TBC1D1: variants seen among roughly 807,000 people sequenced by gnomAD.
The protein encoded by TBC1D1 is TBC1 domain family member 1, also known as TBC1 (tre-2/USP6, BUB2, cdc16) domain family, member 1.
Under a neutral mutation model 125.6 loss-of-function variants are expected in TBC1D1, and 89 were observed. The ratio of observed to expected loss-of-function variants is 0.71; its 90% CI spans 0.60 to 0.85. TBC1D1 has a LOEUF of 0.85. Ranked by LOEUF, TBC1D1 falls within the 40% of genes least tolerant of loss-of-function variation. The probability of loss-of-function intolerance (pLI) is 0.00; values close to 1 mark genes in which losing one functional copy is unlikely to be tolerated. For synonymous variants in TBC1D1, 565 were observed against 564.1 expected (o/e 1.00, Z -0.02); for missense variants, 1,377 against 1,469.2 (o/e 0.94, Z 1.03).
intron 2 of TBC1D1, among the ~76,000 whole-genome samples, chr4:37,958,636 C>A (rs1353233408): frequency 1.3e-5 from 2 of 152,178 alleles, no homozygotes; most frequent in Admixed American, 1.3e-4. Flanking sequence ...TTTGTCCCTT[C>A]TTTAGGACAC....
At chr4:38,055,054 C>T (rs1751443020) in intron 12 of TBC1D1, 1 of 152,152 alleles carries the variant, frequency 6.6e-6, no homozygotes, top group South Asian at 2.1e-4. Flanking sequence ...TGCTTGAGCC[C>T]ACTCGCCCAG....
intron 2 of TBC1D1, among the ~76,000 whole-genome samples, chr4:37,937,976 G>C (rs539278011): frequency 6.6e-6 from 1 of 152,198 alleles, no homozygotes; most frequent in Non-Finnish European, 1.5e-5. Context: ...CAAAATGTGG[G>C]TTCTATTGGA....
chr4:38,113,299 C>A lies in TBC1D1; in HGVS notation c.2558-2411C>A, dbSNP rs570183386. 2.0e-5 allele frequency among the ~76,000 whole-genome samples: 3 copies of A among 152,308 alleles called. No individual in the cohort carries two copies. The East Asian group carries it at 5.8e-4, about 29-fold the overall frequency. ...AGCCAGCTCTGCCCCCACCATCTGACCACTCTTGAGTGGCCAATTAGCATA... is the reference window on the plus strand; with the variant it reads ...AGCCAGCTCTGCCCCCACCATCTGAACACTCTTGAGTGGCCAATTAGCATA... On this transcript the variant is annotated intron_variant, in intron 15 of 19. Coordinates refer to ENST00000261439, the MANE Select transcript of TBC1D1 (RefSeq NM_015173.4).
intron 17 of TBC1D1, among the ~76,000 whole-genome samples, chr4:38,123,389 T>A (rs1389160549): frequency 6.6e-6 from 1 of 152,252 alleles, no homozygotes; most frequent in Non-Finnish European, 1.5e-5. Flanking sequence ...TAAAAATACA[T>A]CTTTGTTATA....
At chr4:38,052,728 G>GCACACACACACA (rs56153191) in intron 11 of TBC1D1, among the ~76,000 whole-genome samples, 2,742 of 118,206 alleles carry the variant, frequency 0.023, 37 homozygotes, top group Middle Eastern at 0.034. Context: ...GCGCGCGCGC[G>GCACACACACACA]CACACACACA....
At chr4:37,957,157 A>G (rs1729100284) in intron 2 of TBC1D1, among the ~76,000 whole-genome samples, 1 of 152,190 alleles carries the variant, frequency 6.6e-6, no homozygotes. Flanking sequence ...ATGAGTTTGT[A>G]TAATACTCAT....
At chr4:38,070,964 T>C (rs1419142851) in intron 12 of TBC1D1, among the ~76,000 whole-genome samples, 1 of 152,230 alleles carries the variant, frequency 6.6e-6, no homozygotes, top group Admixed American at 6.5e-5. Flanking sequence ...GACTCAGTTT[T>C]AAAATTGCTT....
intron 14 of TBC1D1, among the ~76,000 whole-genome samples, chr4:38,098,062 G>C (rs1759678501): frequency 6.6e-6 from 1 of 152,246 alleles, no homozygotes; most frequent in Non-Finnish European, 1.5e-5. Flanking sequence ...GTATGCAGTG[G>C]TGAAGACCGA....
chr4:38,106,074 A>G (rs909031443), intron 15 of TBC1D1, among the ~76,000 whole-genome samples: 5 of 151,974 alleles, frequency 3.3e-5, no homozygotes, highest in Admixed American at 6.5e-5. Context: ...TTTTTCCCTT[A>G]TAGGATACAG....
At chr4:37,964,884 A>G (rs1056174418) in intron 2 of TBC1D1, among the ~76,000 whole-genome samples, 6 of 152,186 alleles carry the variant, frequency 3.9e-5, no homozygotes, top group African/African-American at 1.4e-4. Context: ...TCCTTCCCTG[A>G]CAGAGCCTGC....
intron 2 of TBC1D1, among the ~76,000 whole-genome samples, chr4:37,956,764 C>T (rs1729012938): frequency 6.6e-6 from 1 of 151,962 alleles, no homozygotes; most frequent in South Asian, 2.1e-4. Flanking sequence ...CTGGCCAACA[C>T]AGTGAAACCC....
intron 2 of TBC1D1, among the ~76,000 whole-genome samples, chr4:37,941,144 A>T (rs539614162): frequency 5.1e-4 from 77 of 152,268 alleles, no homozygotes; most frequent in Admixed American, 1.2e-3. Flanking sequence ...CTGTGAATCC[A>T]TCTGGTCCTG....
Position 37,977,865 on chromosome 4 carries a change from G to A in TBC1D1, c.418-36644G>A, listed in dbSNP as rs1733538650. Among the ~76,000 whole-genome samples the A allele has an allele frequency of 6.6e-6, 1 of 152,058 alleles. No individual in the cohort carries two copies. The highest frequency in any genetic ancestry group is 1.5e-5 in the Non-Finnish European group (1 of 67,982). On this transcript the variant is annotated intron_variant, in intron 2 of 19. Transcript: ENST00000261439. This position sits in a 1 kb window ranked among gnomAD's most constrained non-coding sequence, Gnocchi z 4.3. ...CGGAGCTGCCGCTCGGTGCCTCCCC[G>A]GCGCGGGACCTCGCGGAAGTCGACC...
intron 2 of TBC1D1, among the ~76,000 whole-genome samples, chr4:37,935,433 G>A (rs926973943): frequency 6.6e-6 from 1 of 152,098 alleles, no homozygotes; most frequent in Non-Finnish European, 1.5e-5. Flanking sequence ...CCTGGGAGTC[G>A]TCTTTGACTT....
intron 2 of TBC1D1, chr4:37,952,768 A>ATCC (rs1728159543): frequency 6.6e-6 from 1 of 152,358 alleles, no homozygotes; most frequent in Non-Finnish European, 1.5e-5. Flanking sequence ...CATCCTGCAC[A>ATCC]TGTACCCTGA....
chr4:37,940,114 A>C (rs1725241092), intron 2 of TBC1D1, among the ~76,000 whole-genome samples: 1 of 152,370 alleles, frequency 6.6e-6, no homozygotes, highest in South Asian at 2.1e-4. Flanking sequence ...TACCTTGGGC[A>C]GTATGGCCAT....
At chr4:37,912,746 A>G (rs866349217) in intron 2 of TBC1D1, among the ~76,000 whole-genome samples, 11 of 152,228 alleles carry the variant, frequency 7.2e-5, no homozygotes, top group South Asian at 2.1e-4. Flanking sequence ...GGATGCAGCA[A>G]CAAAGCTCCA....
intron 2 of TBC1D1, among the ~76,000 whole-genome samples, chr4:37,931,618 C>T (rs1450158725): frequency 2.0e-5 from 3 of 152,040 alleles, no homozygotes; most frequent in South Asian, 4.2e-4. Flanking sequence ...GCTGGGATTA[C>T]AGGCACCTGC....
chr4:38,031,763 G>C (rs1036849970), intron 7 of TBC1D1, among the ~76,000 whole-genome samples: 33 of 152,186 alleles, frequency 2.2e-4, no homozygotes, highest in Admixed American at 2.1e-3. Flanking sequence ...AAGTAGCTGG[G>C]ACTGCAGGTA....
Sources: allele counts gnomAD v4.1 joint callset (sites outside exome capture counted in the v4.1 genomes callset), GRCh38; gene constraint gnomAD v4.1.1; non-coding constraint Gnocchi (gnomAD v3.1); transcripts MANE v1.5; gene names NCBI Gene and HGNC (gene_info 2026-07-23, HGNC 2026-07-21).